The following CHRM2 variants were observed in gnomAD, a reference collection of about 807,000 sequenced individuals.
The protein encoded by CHRM2 is muscarinic acetylcholine receptor M2.
In CHRM2, 8 loss-of-function variants were observed where a neutral mutation model predicts 25.0. The observed-to-expected ratio is 0.32, with a 90% CI of 0.19 to 0.58. CHRM2 has a LOEUF of 0.58. Ranked by LOEUF, CHRM2 falls within the 20% of genes least tolerant of loss-of-function variation. The probability of loss-of-function intolerance (pLI) is 0.88; values close to 1 mark genes in which losing one functional copy is unlikely to be tolerated. For missense variants in CHRM2, 440 were observed against 567.1 expected, an observed-to-expected ratio of 0.78 and a Z score of 2.28; for synonymous variants, 202 against 205.7, an observed-to-expected ratio of 0.98 and a Z score of 0.15.
At chr7:136,970,153 A>C (rs1463649611) in intron 2 of CHRM2, among the ~76,000 whole-genome samples, 1 of 152,122 alleles carries the variant, frequency 6.6e-6, no homozygotes, top group Non-Finnish European at 1.5e-5. Flanking sequence ...CTTCAACATA[A>C]AAATTTGGGA....
At chr7:136,949,239 G>T (rs944548219) in intron 2 of CHRM2, among the ~76,000 whole-genome samples, 2 of 152,028 alleles carry the variant, frequency 1.3e-5, no homozygotes, top group African/African-American at 4.8e-5. Flanking sequence ...GAGATAAGTA[G>T]CTTCATTTTT....
intron 2 of CHRM2, among the ~76,000 whole-genome samples, chr7:136,991,508 C>T (rs143156673): frequency 1.3e-5 from 2 of 152,100 alleles, no homozygotes; most frequent in East Asian, 1.9e-4. Context: ...ATTATTTTGC[C>T]AATACCAAAC....
Position 136,961,444 on chromosome 7 carries a change from T to G in CHRM2, c.-124-30743T>G, listed in dbSNP as rs917001042. On this transcript the variant is annotated intron_variant, in intron 2 of 3. Transcript: ENST00000680005. ...GGAGCCTCTGTACTATATTGTAAAA[T>G]GTTATACTGAGATACTTTTTAAATG... 8.5e-5 allele frequency among the ~76,000 whole-genome samples: 13 copies of G among 152,208 alleles called. 1 individual carries two copies. The highest frequency in any genetic ancestry group is 3.1e-4 in the African/African-American group (13 of 41,446).
chr7:137,012,280 A>C (rs947935825), intron 3 of CHRM2, among the ~76,000 whole-genome samples: 21 of 152,064 alleles, frequency 1.4e-4, no homozygotes, highest in Non-Finnish European at 2.4e-4. Flanking sequence ...GCTATTAAGA[A>C]ATTGTTGGAA....
At chr7:136,926,374 G>T (rs1297916904) in intron 2 of CHRM2, among the ~76,000 whole-genome samples, 2 of 152,158 alleles carry the variant, frequency 1.3e-5, no homozygotes, top group Non-Finnish European at 2.9e-5. Context: ...ATAGACTGCT[G>T]CCCATAGAAA....
At chr7:136,938,701 CT>C in intron 2 of CHRM2, 1 of 756,164 alleles carries the variant, frequency 1.3e-6, no homozygotes, top group Admixed American at 2.0e-5. Flanking sequence ...AGGTGGACAC[CT>C]TGTAGGACTG....
chr7:136,916,059 C>A (rs1360670410), intron 2 of CHRM2, among the ~76,000 whole-genome samples: 1 of 151,732 alleles, frequency 6.6e-6, no homozygotes, highest in Non-Finnish European at 1.5e-5. Flanking sequence ...GGTGCAGGCC[C>A]CATTCACAGG....
chr7:136,952,214 T>C (rs1015344100), intron 2 of CHRM2, among the ~76,000 whole-genome samples: 1 of 152,196 alleles, frequency 6.6e-6, no homozygotes, highest in South Asian at 2.1e-4. Context: ...TAATTATGCG[T>C]TTCTAATATG....
intron 2 of CHRM2, among the ~76,000 whole-genome samples, chr7:136,890,900 T>A (rs1023955875): frequency 1.3e-5 from 2 of 152,164 alleles, no homozygotes; most frequent in African/African-American, 2.4e-5. Context: ...TATATGTGTG[T>A]GGCAGGGAGG....
intron 2 of CHRM2, among the ~76,000 whole-genome samples, chr7:136,930,480 A>C (rs1008002230): frequency 6.6e-6 from 1 of 152,204 alleles, no homozygotes; most frequent in African/African-American, 2.4e-5. Flanking sequence ...TTGTTTGCAC[A>C]ATCATTAAAT....
chr7:136,972,282 C>A (rs1283107555), intron 2 of CHRM2, among the ~76,000 whole-genome samples: 1 of 152,102 alleles, frequency 6.6e-6, no homozygotes, highest in Non-Finnish European at 1.5e-5. Context: ...GACCCTTCTA[C>A]CTTGAGGGAA....
At chr7:137,001,932 A>C (rs942338513) in intron 3 of CHRM2, among the ~76,000 whole-genome samples, 1 of 152,222 alleles carries the variant, frequency 6.6e-6, no homozygotes, top group Admixed American at 6.5e-5. Context: ...TTCTTCAGAC[A>C]ACCTAAGCCA....
intron 2 of CHRM2, among the ~76,000 whole-genome samples, chr7:136,936,596 A>G (rs1472891292): frequency 1.4e-5 from 2 of 140,242 alleles, no homozygotes; most frequent in African/African-American, 2.4e-5. Context: ...GTCTGTGTGC[A>G]TGTACATGTC....
chr7:136,918,879 T>C (rs1375568650), intron 2 of CHRM2, among the ~76,000 whole-genome samples: 1 of 152,074 alleles, frequency 6.6e-6, no homozygotes, highest in South Asian at 2.1e-4. Context: ...CTCTATGCCA[T>C]TGCATAAGGA....
At chr7:136,870,316 C>A (rs146000188) in intron 2 of CHRM2, 1 of 152,470 alleles carries the variant, frequency 6.6e-6, no homozygotes, top group South Asian at 2.1e-4. Context: ...TTGTAGCTCT[C>A]GGACACGGAC....
intron 2 of CHRM2, among the ~76,000 whole-genome samples, chr7:136,956,084 G>A (rs1800707199): frequency 6.6e-6 from 1 of 152,108 alleles, no homozygotes; most frequent in Non-Finnish European, 1.5e-5. Flanking sequence ...TCACTCTGAT[G>A]TATATTTTTA....
intron 2 of CHRM2, among the ~76,000 whole-genome samples, chr7:136,913,444 C>T (rs1433170960): frequency 1.3e-5 from 2 of 151,850 alleles, no homozygotes; most frequent in Non-Finnish European, 2.9e-5. Context: ...ATAACACATT[C>T]CTCTAGTTTT....
intron 2 of CHRM2, among the ~76,000 whole-genome samples, chr7:136,886,238 T>A (rs1010821995): frequency 2.0e-5 from 3 of 152,196 alleles, no homozygotes; most frequent in African/African-American, 7.2e-5. Context: ...CATAGTACCT[T>A]GTGGTAAGGA....
At chr7:136,926,346 A>G (rs1798749960) in intron 2 of CHRM2, among the ~76,000 whole-genome samples, 1 of 152,236 alleles carries the variant, frequency 6.6e-6, no homozygotes, top group Admixed American at 6.5e-5. Flanking sequence ...TTGAGCACCT[A>G]TGACGTGTCA....
Sources: allele counts gnomAD v4.1 joint callset (sites outside exome capture counted in the v4.1 genomes callset), GRCh38; gene constraint gnomAD v4.1.1; transcripts MANE v1.5; gene names NCBI Gene and HGNC (gene_info 2026-07-23, HGNC 2026-07-21).